MBOAT2: variants seen among roughly 807,000 people sequenced by gnomAD.
The protein encoded by MBOAT2 is membrane bound glycerophospholipid O-acyltransferase 2.
MBOAT2 carries 28 observed loss-of-function variants against 63.4 expected under a neutral mutation model. The ratio of observed to expected loss-of-function variants is 0.44; its 90% confidence interval spans 0.33 to 0.61. The LOEUF (loss-of-function observed/expected upper bound fraction) is 0.61, where lower values mean the gene tolerates loss of function less well. Among genes scored for constraint, MBOAT2 ranks in the 20% least tolerant of loss-of-function variants. MBOAT2 has a pLI of 0.03. For synonymous variants in MBOAT2, 211 were observed against 215.6 expected (o/e 0.98, Z 0.19); for missense variants, 470 against 605.8 (o/e 0.78, Z 2.35).
intron 4 of MBOAT2, among the ~76,000 whole-genome samples, chr2:8,892,859 A>C (rs1664107348): frequency 2.0e-5 from 3 of 152,106 alleles, no homozygotes; most frequent in Non-Finnish European, 4.4e-5. Flanking sequence ...GGCCAATGTG[A>C]TGAGCAAGGA....
Position 8,924,019 on chromosome 2 carries a change from A to G in MBOAT2, c.300-15303T>C, listed in dbSNP as rs541423680. On this transcript the variant is annotated intron_variant, in intron 3 of 12. Coordinates refer to ENST00000305997, the MANE Select transcript of MBOAT2 (RefSeq NM_138799.4). ...CAGAAAACCAGAAACATCTATGCTT[A>G]GTAAAGTACTGGTAGTAAGAACAGA... Among the ~76,000 whole-genome samples the G allele has an allele frequency of 2.0e-5, 3 of 152,318 alleles. No homozygotes were observed. In the South Asian group the frequency reaches 6.2e-4, roughly 32 times the overall value.
intron 2 of MBOAT2, among the ~76,000 whole-genome samples, chr2:8,958,066 G>A (rs181257801): frequency 2.6e-5 from 4 of 152,154 alleles, no homozygotes; most frequent in South Asian, 4.2e-4. Flanking sequence ...GCCTCTTTTT[G>A]GTAATGGCAG....
chr2:8,958,862 G>A (rs78757782), intron 1 of MBOAT2, among the ~76,000 whole-genome samples: 7,463 of 152,274 alleles, frequency 0.049, 184 homozygotes, highest in Middle Eastern at 0.061. Flanking sequence ...AGACCTGGCA[G>A]GAGACAGGTG....
intron 5 of MBOAT2, among the ~76,000 whole-genome samples, chr2:8,884,592 A>T (rs1663409457): frequency 6.6e-6 from 1 of 152,030 alleles, no homozygotes; most frequent in African/African-American, 2.4e-5. Context: ...GTGACATGTT[A>T]ATAGCCTTCT....
chr2:8,870,241 T>C (rs180701823), intron 8 of MBOAT2, among the ~76,000 whole-genome samples: 50 of 152,228 alleles, frequency 3.3e-4, no homozygotes, highest in Admixed American at 2.7e-3. Flanking sequence ...TTTGAGGTGA[T>C]AAGGAGAAAA....
chr2:8,961,182 A>C (rs1025044510), intron 1 of MBOAT2, among the ~76,000 whole-genome samples: 1 of 152,256 alleles, frequency 6.6e-6, no homozygotes, highest in African/African-American at 2.4e-5. Flanking sequence ...AACAATTTAC[A>C]AATATCAATG....
chr2:8,874,947 CA>C (rs958411690), intron 7 of MBOAT2, among the ~76,000 whole-genome samples: 1 of 152,224 alleles, frequency 6.6e-6, no homozygotes, highest in African/African-American at 2.4e-5. Context: ...GGATCTCTAA[CA>C]CTTTGGGGCC....
chr2:8,872,841 C>T (rs1223135814), intron 8 of MBOAT2, among the ~76,000 whole-genome samples: 1 of 152,194 alleles, frequency 6.6e-6, no homozygotes, highest in Admixed American at 6.5e-5. Flanking sequence ...TCCTGGCTAG[C>T]ACTGAATCTA....
chr2:8,892,268 T>A (rs923520202), intron 4 of MBOAT2, among the ~76,000 whole-genome samples: 17 of 152,160 alleles, frequency 1.1e-4, no homozygotes, highest in African/African-American at 1.7e-4. Context: ...AGGACATGTG[T>A]TACCCAGCAA....
chr2:8,940,214 G>A (rs1248215472), intron 3 of MBOAT2, among the ~76,000 whole-genome samples: 1 of 152,098 alleles, frequency 6.6e-6, no homozygotes, highest in Non-Finnish European at 1.5e-5. Context: ...GAGAAGGAAC[G>A]GATATACTAA....
intron 6 of MBOAT2, among the ~76,000 whole-genome samples, chr2:8,880,543 G>C (rs570223687): frequency 2.0e-5 from 3 of 152,368 alleles, no homozygotes; most frequent in Admixed American, 6.5e-5. Context: ...GCCGAGGGGA[G>C]TGGATTGGGC....
intron 2 of MBOAT2, among the ~76,000 whole-genome samples, chr2:8,951,204 C>T (rs1278395057): frequency 1.4e-5 from 2 of 144,018 alleles, no homozygotes; most frequent in Admixed American, 6.7e-5. Context: ...ATACTGGTAC[C>T]AGCTTTTTTT....
chr2:9,000,820 T>C (rs1672630173), intron 1 of MBOAT2, among the ~76,000 whole-genome samples: 1 of 152,232 alleles, frequency 6.6e-6, no homozygotes, highest in East Asian at 1.9e-4. Context: ...TTTTCCTTTC[T>C]TCAATAATAA....
At chr2:8,890,884 T>C (rs1014815571) in intron 4 of MBOAT2, among the ~76,000 whole-genome samples, 4 of 152,232 alleles carry the variant, frequency 2.6e-5, no homozygotes, top group African/African-American at 9.6e-5. Flanking sequence ...CTATTATTCC[T>C]TCTGTAGGTT....
Position 8,942,508 on chromosome 2 carries a change from T to C in MBOAT2, c.299+679A>G, listed in dbSNP as rs578204478. Among the ~76,000 whole-genome samples the C allele has an allele frequency of 4.2e-4, 64 of 152,330 alleles. 1 individual carries two copies. Among genetic ancestry groups the C allele is most frequent in the African/African-American group, 1.5e-3 (62 of 41,564 alleles). On this transcript the variant is annotated intron_variant, in intron 3 of 12. Transcript: ENST00000305997. ...TCTTAGTTACCAATCTCCTCTTATA[T>C]GTCTTACAGATATCTTAAAGTCATC...
chr2:8,921,938 C>T (rs569377828), intron 3 of MBOAT2, among the ~76,000 whole-genome samples: 98 of 152,160 alleles, frequency 6.4e-4, no homozygotes, highest in Non-Finnish European at 1.2e-3. Context: ...TATCAATGGC[C>T]ATCACTTCCT....
intron 8 of MBOAT2, among the ~76,000 whole-genome samples, chr2:8,870,960 T>C (rs1662274373): frequency 6.6e-6 from 1 of 152,150 alleles, no homozygotes; most frequent in South Asian, 2.1e-4. Flanking sequence ...ATCATTTTAA[T>C]TGTCATAATT....
In MBOAT2 at chr2:8,882,542, G is replaced by A. The variant is rs754917802; in HGVS notation, c.475C>T (p.Leu159=). 1 of 1,614,136 alleles carries A rather than the reference G, an allele frequency of 6.2e-7. No individual in the cohort carries two copies. Among genetic ancestry groups the A allele is most frequent in the African/African-American group, 1.3e-5 (1 of 74,944 alleles). The change falls in exon 6 of 13, where the codon CTG becomes TTG. Residue 159 remains leucine, a synonymous_variant. Coordinates refer to ENST00000305997, the MANE Select transcript of MBOAT2 (RefSeq NM_138799.4). ...HDGMFRKDEE[L]TSSQRDLAVR... Reference sequence around the variant, plus strand: ...GCTAAATCCCTCTGTGAGGAAGTCAGTTCTTCATCCTTCCGAAACATCCCT... The same window carrying A: ...GCTAAATCCCTCTGTGAGGAAGTCAATTCTTCATCCTTCCGAAACATCCCT...
chr2:8,857,142 C>G lies in MBOAT2; in HGVS notation c.*1537G>C, dbSNP rs994634093. Reference sequence around the variant, plus strand: ...GCAAATTTATTAGTGACTCCACCCCCCGAAAAAAAGAGAGAGAGAACCCCA... The same window carrying G: ...GCAAATTTATTAGTGACTCCACCCCGCGAAAAAAAGAGAGAGAGAACCCCA... On this transcript the variant is annotated 3_prime_UTR_variant, in exon 13 of 13. Transcript: ENST00000305997. The G allele has an allele frequency of 1.3e-5, 2 of 152,410 alleles. No individual in the cohort carries two copies. The highest frequency in any genetic ancestry group is 2.9e-5 in the Non-Finnish European group (2 of 67,990). 9.4% of individuals were successfully genotyped at this position (152,410 alleles called of 1,614,324 possible).
Sources: allele counts gnomAD v4.1 joint callset (sites outside exome capture counted in the v4.1 genomes callset), GRCh38; gene constraint gnomAD v4.1.1; transcripts MANE v1.5; gene names NCBI Gene and HGNC (gene_info 2026-07-23, HGNC 2026-07-21).